The following WDR25 variants were observed in gnomAD, a reference collection of about 807,000 sequenced individuals.
The protein encoded by WDR25 is WD repeat domain 25.
A neutral mutation model predicts 47.7 loss-of-function variants in WDR25; 35 were observed. The ratio of observed to expected loss-of-function variants is 0.73; its 90% CI spans 0.56 to 0.97. The LOEUF (loss-of-function observed/expected upper bound fraction) is 0.97. Among genes scored for constraint, WDR25 ranks in the 50% least tolerant of loss-of-function variants. The probability of loss-of-function intolerance (pLI) is 0.00; values close to 1 mark genes in which losing one functional copy is unlikely to be tolerated. For synonymous variants in WDR25, 248 were observed against 278.9 expected, an observed-to-expected ratio of 0.89 and a Z score of 1.10; for missense variants, 634 against 704.7, an observed-to-expected ratio of 0.90 and a Z score of 1.14.
At chr14:100,485,525 T>C (rs1900353855) in intron 4 of WDR25, among the ~76,000 whole-genome samples, 1 of 152,200 alleles carries the variant, frequency 6.6e-6, no homozygotes, top group Non-Finnish European at 1.5e-5. Flanking sequence ...GAACACAGGA[T>C]GTCTATGGGG....
intron 3 of WDR25, among the ~76,000 whole-genome samples, chr14:100,480,347 A>G (rs1900159020): frequency 6.6e-6 from 1 of 152,226 alleles, no homozygotes; most frequent in Non-Finnish European, 1.5e-5. Flanking sequence ...TTGTAGCAAA[A>G]TAGTCAAGGG....
chr14:100,408,019 A>G (rs1428063173), intron 2 of WDR25, among the ~76,000 whole-genome samples: 1 of 152,138 alleles, frequency 6.6e-6, no homozygotes, highest in African/African-American at 2.4e-5. Context: ...CACACCAGGC[A>G]CTGGGGGCGG....
chr14:100,498,266 C>T lies in WDR25; in HGVS notation c.1101+14142C>T, dbSNP rs1009208441. On this transcript the variant is annotated intron_variant, in intron 4 of 6. Coordinates refer to ENST00000402312, the MANE Select transcript of WDR25 (RefSeq NM_001161476.3). This position sits in a 1 kb window ranked among gnomAD's most constrained non-coding sequence, Gnocchi z 4.2. ...CTCTGCAAATCTGGCGCGGAGGCTG[C>T]GGAGGGAGATGGATGTGCTGAGAGG... Among the ~76,000 whole-genome samples, 1 of 152,054 alleles carries T rather than the reference C, an allele frequency of 6.6e-6. No homozygotes were observed. The highest frequency in any genetic ancestry group is 1.5e-5 in the Non-Finnish European group (1 of 68,010).
chr14:100,477,582 T>C (rs1304740019), intron 3 of WDR25, among the ~76,000 whole-genome samples: 1 of 152,202 alleles, frequency 6.6e-6, no homozygotes, highest in Non-Finnish European at 1.5e-5. Flanking sequence ...CCTTGATTTA[T>C]GAAAAGGTAG....
chr14:100,455,229 G>C (rs1275301415), intron 2 of WDR25: 1 of 152,182 alleles, frequency 6.6e-6, no homozygotes, highest in Non-Finnish European at 1.5e-5. Context: ...AGAAAAACAA[G>C]TGTTAAATTC....
At position 100,521,563 on chromosome 14, in the gene WDR25, G is replaced by C. The variant is rs544332633; in HGVS notation, c.1102-4307G>C. On this transcript the variant is annotated intron_variant, in intron 4 of 6. Coordinates refer to ENST00000402312, the MANE Select transcript of WDR25 (RefSeq NM_001161476.3). ...TTTTCACTGAACAATGTGTCCTGGAGATCGCTTCATAGCAGGATAGGTTCC... is the reference window on the plus strand; with the variant it reads ...TTTTCACTGAACAATGTGTCCTGGACATCGCTTCATAGCAGGATAGGTTCC... Among the ~76,000 whole-genome samples the C allele has an allele frequency of 7.9e-5, 12 of 152,200 alleles. No individual in the cohort carries two copies. In the East Asian group the frequency reaches 2.1e-3, roughly 27 times the overall value.
chr14:100,474,712 A>G (rs1387343896), intron 3 of WDR25, among the ~76,000 whole-genome samples: 2 of 152,246 alleles, frequency 1.3e-5, no homozygotes, highest in South Asian at 2.1e-4. Flanking sequence ...GAGAATTAAA[A>G]GCAGTGGCTG....
rs1325617192 is a variant in WDR25, at chr14:100,392,703, C to T, written c.822+10957C>T. On this transcript the variant is annotated intron_variant, in intron 2 of 6. Transcript: ENST00000402312. The surrounding 1 kb of genome is among the most constrained non-coding windows in gnomAD (Gnocchi z 4.2). ...AGCCGCCTCTGCGTCTTTGGAGGGC[C>T]GTCAATTTTCACTGGTTCCATGACG... Among the ~76,000 whole-genome samples, 3 of 152,130 alleles carry T rather than the reference C, an allele frequency of 2.0e-5. No homozygotes were observed. The highest frequency in any genetic ancestry group is 1.9e-4 in the East Asian group (1 of 5,186).
intron 2 of WDR25, among the ~76,000 whole-genome samples, chr14:100,412,404 C>T (rs540996754): frequency 1.2e-4 from 19 of 152,100 alleles, no homozygotes; most frequent in East Asian, 3.9e-4. Flanking sequence ...GACCTAGAAA[C>T]GTGTCTTTAG....
chr14:100,529,087 G>C lies in WDR25; in HGVS notation c.1292G>C (p.Ser431Thr), dbSNP rs778564456. ...TCTCAGGAGAGGTTCACCTGCCCCA[G>C]CCTCGCCTTGCACCCGAGAGAGCCC... Reference protein sequence around the residue: ...QIFHERFTCPSLALHPREPVF... With the variant: ...QIFHERFTCPTLALHPREPVF... Residue 431 changes from serine to threonine, a missense_variant, in exon 6 of 7, where the codon AGC becomes ACC. Ser to Thr is a moderately conservative substitution (Grantham distance 58). Coordinates refer to ENST00000402312, the MANE Select transcript of WDR25 (RefSeq NM_001161476.3). This position sits in a 1 kb window ranked among gnomAD's most constrained non-coding sequence, Gnocchi z 5.1. The C allele has an allele frequency of 1.9e-6, 3 of 1,559,986 alleles. No homozygotes were observed. The highest frequency in any genetic ancestry group is 1.8e-5 in the Admixed American group (1 of 56,270).
chr14:100,396,771 G>T (rs892336594), intron 2 of WDR25, among the ~76,000 whole-genome samples: 1 of 152,244 alleles, frequency 6.6e-6, no homozygotes, highest in African/African-American at 2.4e-5. Flanking sequence ...GTGGGCTGTG[G>T]CAGGGCCACA....
At chr14:100,401,034 T>A (rs544787970) in intron 2 of WDR25, among the ~76,000 whole-genome samples, 7 of 152,364 alleles carry the variant, frequency 4.6e-5, no homozygotes, top group African/African-American at 1.7e-4. Context: ...TGGTAATGAA[T>A]AAAACATCAG....
intron 2 of WDR25, among the ~76,000 whole-genome samples, chr14:100,461,533 C>T (rs1476036133): frequency 6.6e-6 from 1 of 152,134 alleles, no homozygotes; most frequent in African/African-American, 2.4e-5. Flanking sequence ...GATTGGGAGA[C>T]TCAATATTAT....
chr14:100,493,542 G>A (rs1259086917), intron 4 of WDR25, among the ~76,000 whole-genome samples: 1 of 152,012 alleles, frequency 6.6e-6, no homozygotes, highest in Non-Finnish European at 1.5e-5. Flanking sequence ...TTTCCCACTT[G>A]CCCTCTGCCC....
rs370017987 is a variant in WDR25 at position 100,444,531 on chromosome 14, G to A, written c.823-23490G>A. On this transcript the variant is annotated intron_variant, in intron 2 of 6. Coordinates refer to ENST00000402312, the MANE Select transcript of WDR25 (RefSeq NM_001161476.3). Reference sequence around the variant, plus strand: ...TTTCCATGGACACGTCTGGGTCCAGGTGACTTCCTTCTTGCACTGGCCCCA... The same window carrying A: ...TTTCCATGGACACGTCTGGGTCCAGATGACTTCCTTCTTGCACTGGCCCCA... Among the ~76,000 whole-genome samples, 225 of 145,936 alleles carry A rather than the reference G, an allele frequency of 1.5e-3. 3 individuals are homozygous for A. The highest frequency in any genetic ancestry group is 5.5e-3 in the African/African-American group (216 of 39,512).
At chr14:100,446,420 G>A (rs936307064) in intron 2 of WDR25, among the ~76,000 whole-genome samples, 1 of 151,820 alleles carries the variant, frequency 6.6e-6, no homozygotes, top group African/African-American at 2.4e-5. Flanking sequence ...GCATGGTGGT[G>A]GGTGCCTGTA....
In WDR25 at chr14:100,449,055, G is replaced by T. The variant is rs1336295128; in HGVS notation, c.823-18966G>T. 6.6e-6 allele frequency among the ~76,000 whole-genome samples: 1 copy of T among 152,110 alleles called. No homozygotes were observed. On this transcript the variant is annotated intron_variant, in intron 2 of 6. Coordinates refer to ENST00000402312, the MANE Select transcript of WDR25 (RefSeq NM_001161476.3). The surrounding 1 kb of genome is among the most constrained non-coding windows in gnomAD (Gnocchi z 4.2). The stretch of plus-strand genomic sequence containing the variant: ...GGGAGATGAGGCTGGGCAGGTGAGT[G>T]GGGCCTCCGGAGTCAGCCACTGACT...
chr14:100,518,567 G>C (rs961555646), intron 4 of WDR25, among the ~76,000 whole-genome samples: 4 of 151,822 alleles, frequency 2.6e-5, no homozygotes, highest in South Asian at 2.1e-4. Flanking sequence ...CTTTCTTTTG[G>C]GTACTGCTGT....
chr14:100,459,915 T>C lies in WDR25; in HGVS notation c.823-8106T>C, dbSNP rs867608748. On this transcript the variant is annotated intron_variant, in intron 2 of 6. Transcript: ENST00000402312. ...GTGTGTATATATATATATATATATA[T>C]ATATATATATATATATATATATATA... Among the ~76,000 whole-genome samples the C allele has an allele frequency of 7.6e-3, 766 of 100,912 alleles. 38 individuals carry two copies. The highest frequency in any genetic ancestry group is 0.031 in the African/African-American group (700 of 22,580). 66.2% of individuals were successfully genotyped at this position (100,912 alleles called of 152,430 possible). A position where few individuals can be genotyped will look rare whatever the true frequency, so the allele number is the denominator to read the frequency against.
Sources: gnomAD v4.1 joint callset for allele counts (sites outside exome capture counted in the v4.1 genomes callset) on GRCh38, gnomAD v4.1.1 for gene constraint, Gnocchi (gnomAD v3.1) non-coding constraint, MANE v1.5 for transcripts, NCBI Gene and HGNC (gene_info 2026-07-23, HGNC 2026-07-21) for gene names.